Variants in A1CF observed in about 807,000 individuals in gnomAD.
The protein encoded by A1CF is APOBEC1 complementation factor.
A1CF carries 48 observed loss-of-function variants against 68.9 expected under a neutral mutation model. That is an observed-to-expected ratio of 0.70 (90% confidence interval 0.55 to 0.89). A1CF has a LOEUF of 0.89. Ranked by LOEUF, A1CF falls within the 40% of genes least tolerant of loss-of-function variation. The pLI is 0.00. For missense variants in A1CF, 653 were observed against 718.9 expected, an observed-to-expected ratio of 0.91 and a Z score of 1.05; for synonymous variants, 272 against 260.4, an observed-to-expected ratio of 1.04 and a Z score of -0.43.
chr10:50,861,594 A>G (rs917155875), intron 2 of A1CF, among the ~76,000 whole-genome samples: 4 of 147,986 alleles, frequency 2.7e-5, no homozygotes, highest in African/African-American at 9.8e-5. Flanking sequence ...AATAGCACCA[A>G]TATTAGTACC....
intron 11 of A1CF, among the ~76,000 whole-genome samples, chr10:50,810,546 A>G (rs778053906): frequency 2.0e-5 from 3 of 152,110 alleles, no homozygotes; most frequent in Non-Finnish European, 2.9e-5. Flanking sequence ...CAGTGGTACA[A>G]TCTAAGCAAA....
At chr10:50,837,827 A>AAT (rs977001557) in intron 5 of A1CF, among the ~76,000 whole-genome samples, 3 of 152,138 alleles carry the variant, frequency 2.0e-5, no homozygotes, top group Non-Finnish European at 4.4e-5. Context: ...AACGTAGAAG[A>AAT]ATATATATTG....
intron 7 of A1CF, chr10:50,824,282 T>G (rs181811296): frequency 2.9e-4 from 44 of 152,206 alleles, no homozygotes; most frequent in Admixed American, 9.2e-4. Context: ...TATATGCCAA[T>G]ACGCAGACTG....
intron 5 of A1CF, among the ~76,000 whole-genome samples, chr10:50,836,998 A>G (rs1444386474): frequency 6.6e-6 from 1 of 152,066 alleles, no homozygotes; most frequent in Non-Finnish European, 1.5e-5. Flanking sequence ...AGGTTACTGA[A>G]GCCACCTGCC....
chr10:50,814,021 C>A lies in A1CF; in HGVS notation c.1159G>T (p.Gly387Ter). 1 of 1,613,658 alleles carries A rather than the reference C, an allele frequency of 6.2e-7. No homozygotes were observed. Among genetic ancestry groups the A allele is most frequent in the Non-Finnish European group, 8.5e-7 (1 of 1,179,804 alleles). The change falls in exon 10 of 13, where the codon GGA becomes TGA. Residue 387 changes from glycine (G) to a stop codon, truncating the protein, a stop_gained. Coordinates refer to ENST00000373997, the MANE Select transcript of A1CF (RefSeq NM_014576.4). LOFTEE classifies it high-confidence loss of function. The part of the protein sequence containing the change: ...PSVRGAAGVR[G>*]LGGRGYLAYT... ...GCCAAATAGCCACGGCCGCCCAGTC[C>A]TCTCACTCCCGCAGCCCCTACAGGT...
chr10:50,863,579 G>GA (rs1339577096), intron 2 of A1CF, among the ~76,000 whole-genome samples: 1 of 152,054 alleles, frequency 6.6e-6, no homozygotes, highest in Admixed American at 6.5e-5. Flanking sequence ...ATGTAGATGA[G>GA]AAAAAATAAA....
chr10:50,882,581 A>G (rs1485417428), intron 1 of A1CF, among the ~76,000 whole-genome samples: 1 of 152,046 alleles, frequency 6.6e-6, no homozygotes, highest in Non-Finnish European at 1.5e-5. Context: ...CAGGCCAAGG[A>G]GCAGATGGGA....
chr10:50,874,069 A>G (rs1429983039), intron 1 of A1CF, among the ~76,000 whole-genome samples: 1 of 152,164 alleles, frequency 6.6e-6, no homozygotes, highest in Non-Finnish European at 1.5e-5. Flanking sequence ...TAGAGGAGGC[A>G]TATTTTCTCA....
rs757760594 is a variant in A1CF at position 50,811,031 on chromosome 10, G to A, written c.1460+9C>T. 1 of 1,609,874 alleles carries A rather than the reference G, an allele frequency of 6.2e-7. No homozygotes were observed. The highest frequency in any genetic ancestry group is 1.3e-5 in the African/African-American group (1 of 74,772). On this transcript the variant is annotated intron_variant, in intron 11 of 12. Transcript: ENST00000373997. The stretch of plus-strand genomic sequence containing the variant: ...CTAAAATGGTAAGGAATTTGGAGAA[G>A]TTACGCACATTGCAGGATTCTGGCT...
intron 3 of A1CF, among the ~76,000 whole-genome samples, chr10:50,858,157 G>A (rs756820261): frequency 9.2e-5 from 14 of 151,956 alleles, no homozygotes; most frequent in South Asian, 4.2e-4. Context: ...GGAAATAACT[G>A]CAACTTTGAA....
At chr10:50,810,528 T>C (rs981896347) in intron 11 of A1CF, among the ~76,000 whole-genome samples, 1 of 152,158 alleles carries the variant, frequency 6.6e-6, no homozygotes, top group Non-Finnish European at 1.5e-5. Flanking sequence ...ATTGCCCAGG[T>C]TGGAGTGCAG....
At chr10:50,838,607 C>T (rs982141920) in intron 5 of A1CF, among the ~76,000 whole-genome samples, 1 of 152,124 alleles carries the variant, frequency 6.6e-6, no homozygotes, top group Admixed American at 6.6e-5. Flanking sequence ...GAGGCCACAA[C>T]TTTAATGTCT....
intron 7 of A1CF, among the ~76,000 whole-genome samples, chr10:50,827,197 C>A (rs1838987878): frequency 1.3e-5 from 2 of 152,096 alleles, no homozygotes; most frequent in Admixed American, 6.6e-5. Flanking sequence ...GACTTTAACA[C>A]CCCACTGTCA....
intron 6 of A1CF, among the ~76,000 whole-genome samples, chr10:50,834,763 T>C (rs1261753632): frequency 6.6e-6 from 1 of 152,040 alleles, no homozygotes; most frequent in African/African-American, 2.4e-5. Context: ...GATGGAGAAG[T>C]CGGAGGGTGG....
At chr10:50,834,389 AG>A (rs1839388844) in intron 6 of A1CF, among the ~76,000 whole-genome samples, 1 of 152,192 alleles carries the variant, frequency 6.6e-6, no homozygotes, top group South Asian at 2.1e-4. Context: ...GAATGTCACA[AG>A]TGACGGAGGG....
In A1CF at chr10:50,803,052, A is replaced by G. The variant is rs1837668823; in HGVS notation, c.*3677T>C. On this transcript the variant is annotated 3_prime_UTR_variant, in exon 13 of 13. Transcript: ENST00000373997. ...CTATTCCATCATGAAAAAGTTAAGA[A>G]ACTGTGGTTTGGAAACAGGTTCCTT... The G allele has an allele frequency of 6.6e-6, 1 of 152,152 alleles. No individual in the cohort carries two copies. The highest frequency in any genetic ancestry group is 1.5e-5 in the Non-Finnish European group (1 of 68,034). 9.4% of individuals were successfully genotyped at this position (152,152 alleles called of 1,614,324 possible).
At chr10:50,809,635 CAG>C (rs1837999660) in intron 12 of A1CF, among the ~76,000 whole-genome samples, 1 of 152,120 alleles carries the variant, frequency 6.6e-6, no homozygotes, top group South Asian at 2.1e-4. Context: ...AAACCAGACT[CAG>C]AGAGACTGAC....
chr10:50,804,899 T>A lies in A1CF; in HGVS notation c.*1830A>T, dbSNP rs1837750748. 1 of 152,214 alleles carries A rather than the reference T, an allele frequency of 6.6e-6. No homozygotes were observed. 9.4% of individuals were successfully genotyped at this position (152,214 alleles called of 1,614,324 possible). A position where few individuals can be genotyped will look rare whatever the true frequency, so the allele number is the denominator to read the frequency against. On this transcript the variant is annotated 3_prime_UTR_variant, in exon 13 of 13. Coordinates refer to ENST00000373997, the MANE Select transcript of A1CF (RefSeq NM_014576.4). ...GCCAGGCACCCATCCAAGGAAATTCTAGTGTAAATTTTATGAGATATGTTA... is the reference window on the plus strand; with the variant it reads ...GCCAGGCACCCATCCAAGGAAATTCAAGTGTAAATTTTATGAGATATGTTA...
chr10:50,821,037 T>A (rs1838636385), intron 7 of A1CF, among the ~76,000 whole-genome samples: 1 of 152,188 alleles, frequency 6.6e-6, no homozygotes, highest in Admixed American at 6.5e-5. Flanking sequence ...CTTTTGCTTT[T>A]CACCCCAGCA....
Sources: gnomAD v4.1 joint callset for allele counts (sites outside exome capture counted in the v4.1 genomes callset) on GRCh38, gnomAD v4.1.1 for gene constraint, MANE v1.5 for transcripts, NCBI Gene and HGNC (gene_info 2026-07-23, HGNC 2026-07-21) for gene names.